SLC9A4: variants seen among roughly 807,000 people sequenced by gnomAD.
The protein encoded by SLC9A4 is sodium/hydrogen exchanger 4.
In SLC9A4, 63 loss-of-function variants were observed where a neutral mutation model predicts 67.4. The ratio of observed to expected loss-of-function variants is 0.93; its 90% confidence interval spans 0.76 to 1.15. The LOEUF (loss-of-function observed/expected upper bound fraction) is 1.15, where lower values mean the gene tolerates loss of function less well. Ranked by LOEUF, SLC9A4 falls within the 50% of genes most tolerant of loss-of-function variation. The probability of loss-of-function intolerance (pLI) is 0.00; values close to 1 mark genes in which losing one functional copy is unlikely to be tolerated. For synonymous variants in SLC9A4, 393 were observed against 367.2 expected (o/e 1.07, Z -0.80); for missense variants, 1,089 against 987.7 (o/e 1.10, Z -1.38).
At chr2:102,481,256 G>A (rs1684456064) in intron 2 of SLC9A4, among the ~76,000 whole-genome samples, 1 of 152,144 alleles carries the variant, frequency 6.6e-6, no homozygotes, top group African/African-American at 2.4e-5. Flanking sequence ...GCCTTTATCA[G>A]CTTATACTTC....
intron 11 of SLC9A4, among the ~76,000 whole-genome samples, chr2:102,530,091 C>A (rs1377243374): frequency 6.6e-6 from 1 of 152,104 alleles, no homozygotes; most frequent in African/African-American, 2.4e-5. Context: ...TTAAAATGGT[C>A]AATTTTATGT....
chr2:102,496,429 A>G (rs1361628008), intron 2 of SLC9A4, among the ~76,000 whole-genome samples: 1 of 152,200 alleles, frequency 6.6e-6, no homozygotes, highest in Non-Finnish European at 1.5e-5. Context: ...GTTCTGCAGT[A>G]GATAGGGTTT....
intron 7 of SLC9A4, among the ~76,000 whole-genome samples, chr2:102,512,901 A>G (rs774728676): frequency 2.0e-5 from 3 of 152,142 alleles, no homozygotes; most frequent in Non-Finnish European, 4.4e-5. Flanking sequence ...CAAGGAAAAG[A>G]AAGTGCGGAA....
At chr2:102,527,689 C>T (rs1285549981) in intron 11 of SLC9A4, among the ~76,000 whole-genome samples, 1 of 151,984 alleles carries the variant, frequency 6.6e-6, no homozygotes, top group Non-Finnish European at 1.5e-5. Context: ...ACTAATTTGC[C>T]CTCACAACAA....
chr2:102,486,178 C>T (rs1452799262), intron 2 of SLC9A4, among the ~76,000 whole-genome samples: 1 of 152,226 alleles, frequency 6.6e-6, no homozygotes, highest in African/African-American at 2.4e-5. Flanking sequence ...ATTGCAGGTC[C>T]TGCCTCCACT....
rs776155467 is a variant in SLC9A4 at position 102,479,049 on chromosome 2, G to T, written c.467G>T (p.Gly156Val). 1 of 1,614,144 alleles carries T rather than the reference G, an allele frequency of 6.2e-7. No individual in the cohort carries two copies. Among genetic ancestry groups the T allele is most frequent in the South Asian group, 1.1e-5 (1 of 91,090 alleles). The change falls in exon 2 of 12, where the codon GGC becomes GTC. Residue 156 changes from glycine to valine, a missense_variant. Gly to Val is a moderately radical substitution (Grantham distance 109). Transcript: ENST00000295269. Reference protein sequence around the residue: ...MPTRPFFENIGSILWWAVLGA... With the variant: ...MPTRPFFENIVSILWWAVLGA... ...ACCCGGCCCTTCTTTGAGAACATCG[G>T]CTCCATCCTGTGGTGGGCAGTATTG...
chr2:102,529,940 A>G (rs980268216), intron 11 of SLC9A4, among the ~76,000 whole-genome samples: 1 of 152,100 alleles, frequency 6.6e-6, no homozygotes, highest in Non-Finnish European at 1.5e-5. Flanking sequence ...CTCTTATATG[A>G]CCTGAGGCTG....
At position 102,532,576 on chromosome 2, in the gene SLC9A4, G is replaced by C. The variant is rs899622677; in HGVS notation, c.2285G>C (p.Gly762Ala). 2.1e-5 allele frequency: 34 copies of C among 1,613,962 alleles called. No individual in the cohort carries two copies. Among genetic ancestry groups the C allele is most frequent in the Non-Finnish European group, 2.7e-5 (32 of 1,179,996 alleles). The change falls in exon 12 of 12, where the codon GGG becomes GCG. Residue 762 changes from glycine (G) to alanine (A), a missense_variant. Gly to Ala is a moderately conservative substitution (Grantham distance 60, BLOSUM62 0). Transcript: ENST00000295269. ...HAVDEEGESG[G>A]ESEGKASLVE... ...GTGGATGAGGAGGGTGAGTCTGGAGGGGAGAGTGAGGGCAAGGCCTCTTTG... is the reference window on the plus strand; with the variant it reads ...GTGGATGAGGAGGGTGAGTCTGGAGCGGAGAGTGAGGGCAAGGCCTCTTTG...
At chr2:102,519,429 C>T (rs1466997773) in intron 8 of SLC9A4, among the ~76,000 whole-genome samples, 2 of 152,074 alleles carry the variant, frequency 1.3e-5, no homozygotes, top group Non-Finnish European at 2.9e-5. Flanking sequence ...TAGGTAAGTA[C>T]AAAACTAGCA....
intron 8 of SLC9A4, among the ~76,000 whole-genome samples, chr2:102,515,033 T>A (rs1685247784): frequency 6.6e-6 from 1 of 152,154 alleles, no homozygotes; most frequent in Admixed American, 6.5e-5. Context: ...GCCCCTTCAA[T>A]GTCAAAAGAA....
chr2:102,477,671 C>A (rs1257389249), intron 1 of SLC9A4, among the ~76,000 whole-genome samples: 2 of 152,044 alleles, frequency 1.3e-5, no homozygotes, highest in Admixed American at 1.3e-4. Flanking sequence ...GAAAGCTAAG[C>A]CTCAAAGGAT....
chr2:102,532,937 G>A lies in SLC9A4; in HGVS notation c.*249G>A. ...GAGTGAGAGAAGTTGATCACCCCAGGAATTAGTCACTAAGAATTCCTAAGA... is the reference window on the plus strand; with the variant it reads ...GAGTGAGAGAAGTTGATCACCCCAGAAATTAGTCACTAAGAATTCCTAAGA... On this transcript the variant is annotated 3_prime_UTR_variant, in exon 12 of 12. Transcript: ENST00000295269. 2.6e-6 allele frequency: 1 copy of A among 377,388 alleles called. No homozygotes were observed. The highest frequency in any genetic ancestry group is 5.3e-5 in the South Asian group (1 of 18,876). 23.4% of individuals were successfully genotyped at this position (377,388 alleles called of 1,614,324 possible). A position where few individuals can be genotyped will look rare whatever the true frequency, so the allele number is the denominator to read the frequency against.
At chr2:102,490,870 C>T (rs749737239) in intron 2 of SLC9A4, among the ~76,000 whole-genome samples, 8 of 152,190 alleles carry the variant, frequency 5.3e-5, no homozygotes, top group African/African-American at 1.9e-4. Flanking sequence ...CTTTTGCTAG[C>T]CAACAGGTCT....
intron 9 of SLC9A4, 42 bp downstream of exon 9, chr2:102,519,997 G>C (rs1685367549): frequency 6.4e-7 from 1 of 1,557,386 alleles, no homozygotes; most frequent in African/African-American, 1.4e-5. Flanking sequence ...TTCTGTCCTT[G>C]AAAACAGTCT....
chr2:102,474,243 T>G (rs1684281747), intron 1 of SLC9A4, among the ~76,000 whole-genome samples: 1 of 152,192 alleles, frequency 6.6e-6, no homozygotes, highest in Non-Finnish European at 1.5e-5. Flanking sequence ...TACTGGGCTG[T>G]GTTGGTTTCT....
chr2:102,501,769 A>G (rs2075192), intron 2 of SLC9A4, among the ~76,000 whole-genome samples: 107,325 of 151,430 alleles, frequency 0.71, 38,743 homozygotes, highest in Middle Eastern at 0.77. Context: ...GGGCTGTCAG[A>G]CCACACCCAA....
intron 2 of SLC9A4, among the ~76,000 whole-genome samples, chr2:102,494,978 C>A (rs1269091183): frequency 6.6e-6 from 1 of 152,024 alleles, no homozygotes; most frequent in Admixed American, 6.6e-5. Context: ...TTATCAACCA[C>A]CTTGCCCTAA....
At chr2:102,493,148 G>A (rs60794284) in intron 2 of SLC9A4, among the ~76,000 whole-genome samples, 3,408 of 152,206 alleles carry the variant, frequency 0.022, 137 homozygotes, top group African/African-American at 0.077. Context: ...CCTGTCTTCT[G>A]AGCCTTCCAA....
At chr2:102,480,843 C>T (rs985350660) in intron 2 of SLC9A4, among the ~76,000 whole-genome samples, 5 of 152,174 alleles carry the variant, frequency 3.3e-5, no homozygotes, top group African/African-American at 1.2e-4. Context: ...GTCACCTGTA[C>T]TTGCCAAGGG....
Sources: gnomAD v4.1 joint callset for allele counts (sites outside exome capture counted in the v4.1 genomes callset) on GRCh38, gnomAD v4.1.1 for gene constraint, MANE v1.5 for transcripts, NCBI Gene and HGNC (gene_info 2026-07-23, HGNC 2026-07-21) for gene names.